CTNNA3: variants seen among roughly 807,000 people sequenced by gnomAD.
CTNNA3 encodes catenin alpha 3.
In CTNNA3, 76 loss-of-function variants were observed where a neutral mutation model predicts 95.7. The observed-to-expected ratio is 0.79, with a 90% CI of 0.66 to 0.96. The LOEUF (loss-of-function observed/expected upper bound fraction) is 0.96. Among genes scored for constraint, CTNNA3 ranks in the 40% least tolerant of loss-of-function variants. The pLI, the probability that CTNNA3 is intolerant of heterozygous loss-of-function variation, is 0.00. For missense variants in CTNNA3, 1,191 were observed against 1,089.8 expected, an observed-to-expected ratio of 1.09 and a Z score of -1.31; for synonymous variants, 431 against 374.4, an observed-to-expected ratio of 1.15 and a Z score of -1.74.
chr10:67,557,941 A>C (rs1469320539), intron 3 of CTNNA3, among the ~76,000 whole-genome samples: 7 of 152,206 alleles, frequency 4.6e-5, no homozygotes, highest in Non-Finnish European at 1.0e-4. Context: ...AGATTGCAAC[A>C]AGACCCTATC....
chr10:66,109,171 A>G (rs943206666), intron 13 of CTNNA3, among the ~76,000 whole-genome samples: 2 of 152,178 alleles, frequency 1.3e-5, no homozygotes, highest in Admixed American at 1.3e-4. Flanking sequence ...CTTGTCATGG[A>G]AACAGTGGTA....
At chr10:66,008,865 G>C (rs2078948243) in intron 15 of CTNNA3, among the ~76,000 whole-genome samples, 1 of 152,126 alleles carries the variant, frequency 6.6e-6, no homozygotes, top group Non-Finnish European at 1.5e-5. Context: ...ACTTTGTCAG[G>C]CTGAGGTGGG....
At chr10:67,607,711 C>A (rs1184046500) in intron 2 of CTNNA3, among the ~76,000 whole-genome samples, 1 of 152,166 alleles carries the variant, frequency 6.6e-6, no homozygotes, top group African/African-American at 2.4e-5. Context: ...CAAGTCATGG[C>A]ACCAAGAACA....
chr10:67,018,499 CA>C (rs1306467888), intron 7 of CTNNA3, among the ~76,000 whole-genome samples: 1 of 152,166 alleles, frequency 6.6e-6, no homozygotes, highest in African/African-American at 2.4e-5. Flanking sequence ...CTGTTATAAA[CA>C]TGTTTGGGAA....
chr10:67,121,801 C>A (rs1859476100), intron 7 of CTNNA3, among the ~76,000 whole-genome samples: 1 of 151,770 alleles, frequency 6.6e-6, no homozygotes, highest in African/African-American at 2.4e-5. Context: ...CTTGTCCCAT[C>A]TAAAAGGGAC....
At chr10:66,161,568 C>T (rs1202220252) in intron 13 of CTNNA3, among the ~76,000 whole-genome samples, 9 of 152,182 alleles carry the variant, frequency 5.9e-5, no homozygotes, top group African/African-American at 4.8e-5. Flanking sequence ...GAAAAATCTG[C>T]TGCTAATCTG....
chr10:66,316,008 G>A (rs1044474064), intron 12 of CTNNA3, among the ~76,000 whole-genome samples: 3 of 151,926 alleles, frequency 2.0e-5, no homozygotes, highest in African/African-American at 7.2e-5. Context: ...CAATTTTAAC[G>A]AAGGTTAATT....
chr10:66,733,586 C>G (rs1564646755), intron 9 of CTNNA3, among the ~76,000 whole-genome samples: 1 of 151,080 alleles, frequency 6.6e-6, no homozygotes, highest in Non-Finnish European at 1.5e-5. Flanking sequence ...AGGGCTTTTC[C>G]AAAAGATTGA....
Position 66,421,846 on chromosome 10 carries a change from A to T in CTNNA3, c.1532-42494T>A, listed in dbSNP as rs12217616. On this transcript the variant is annotated intron_variant, in intron 11 of 17. Transcript: ENST00000433211. ...CAAGACTCTGTCTCAAAAAAAAAAA[A>T]AAAAAAAGAAAAGTGTGTTTTTAAA... Among the ~76,000 whole-genome samples, 3,586 of 144,420 alleles carry T rather than the reference A, an allele frequency of 0.025. 289 individuals are homozygous for T. In the East Asian group the frequency reaches 0.27, roughly 11 times the overall value. 94.7% of individuals were successfully genotyped at this position (144,420 alleles called of 152,430 possible).
In CTNNA3 at chr10:66,290,318, A is replaced by G. The variant is rs2091660022; in HGVS notation, c.1733-9697T>C. 2.0e-5 allele frequency among the ~76,000 whole-genome samples: 3 copies of G among 152,016 alleles called. No homozygotes were observed. The South Asian group carries it at 6.2e-4, about 31-fold the overall frequency. On this transcript the variant is annotated intron_variant, in intron 12 of 17. Transcript: ENST00000433211. ...GAAATATAATTACATTAAAAATCCT[A>G]GAGTTAAGGTACAGCAATTAAGTAT...
chr10:67,061,255 C>T (rs1175744294), intron 7 of CTNNA3, among the ~76,000 whole-genome samples: 3 of 152,092 alleles, frequency 2.0e-5, no homozygotes, highest in Non-Finnish European at 2.9e-5. Flanking sequence ...CTTTATTCTC[C>T]CCAACTATTA....
chr10:66,344,240 AT>A (rs1354149231), intron 12 of CTNNA3, among the ~76,000 whole-genome samples: 1 of 148,944 alleles, frequency 6.7e-6, no homozygotes, highest in Non-Finnish European at 1.5e-5. Context: ...AAAAAAAAAA[AT>A]TGACTGCAAT....
At chr10:67,560,088 C>A (rs1284556646) in intron 3 of CTNNA3, among the ~76,000 whole-genome samples, 1 of 152,026 alleles carries the variant, frequency 6.6e-6, no homozygotes, top group Non-Finnish European at 1.5e-5. Flanking sequence ...GGAGAACTTC[C>A]CCAATCTAGC....
chr10:66,871,955 ATAGT>A, intron 7 of CTNNA3, among the ~76,000 whole-genome samples: 1 of 152,342 alleles, frequency 6.6e-6, no homozygotes, highest in East Asian at 1.9e-4. Context: ...GCACACAACT[ATAGT>A]ATTATCTATA....
At chr10:66,094,694 C>T (rs2081327390) in intron 14 of CTNNA3, among the ~76,000 whole-genome samples, 1 of 152,100 alleles carries the variant, frequency 6.6e-6, no homozygotes, top group Admixed American at 6.6e-5. Context: ...ACTATAATCC[C>T]TCTCACCATA....
intron 3 of CTNNA3, among the ~76,000 whole-genome samples, chr10:67,600,401 A>G (rs896251987): frequency 6.6e-6 from 1 of 152,192 alleles, no homozygotes; most frequent in African/African-American, 2.4e-5. Flanking sequence ...GAACTTCTGA[A>G]TATTAAAAAA....
intron 7 of CTNNA3, among the ~76,000 whole-genome samples, chr10:66,811,268 C>T (rs1042682548): frequency 6.6e-6 from 1 of 152,076 alleles, no homozygotes; most frequent in Non-Finnish European, 1.5e-5. Context: ...TGTTCCAGAT[C>T]CTGGGAGGAC....
At chr10:67,249,756 A>C (rs989743418) in intron 5 of CTNNA3, among the ~76,000 whole-genome samples, 3 of 152,216 alleles carry the variant, frequency 2.0e-5, no homozygotes, top group African/African-American at 7.2e-5. Flanking sequence ...AACCCTGGAC[A>C]GGATACCATT....
chr10:66,205,166 ATTTCTTATTCC>A (rs768321952), intron 13 of CTNNA3, among the ~76,000 whole-genome samples: 6 of 151,880 alleles, frequency 4.0e-5, no homozygotes, highest in Non-Finnish European at 7.4e-5. Flanking sequence ...ATGAATATCT[ATTTCTTATTCC>A]TTTATGTTTA....
Sources: allele counts gnomAD v4.1 joint callset (sites outside exome capture counted in the v4.1 genomes callset), GRCh38; gene constraint gnomAD v4.1.1; transcripts MANE v1.5; gene names NCBI Gene and HGNC (gene_info 2026-07-23, HGNC 2026-07-21).